Variants in MYO16 observed in about 807,000 individuals in gnomAD.
MYO16 encodes myosin XVI.
MYO16 carries 94 observed loss-of-function variants against 205.3 expected under a neutral mutation model. The ratio of observed to expected loss-of-function variants is 0.46; its 90% confidence interval spans 0.39 to 0.54. The LOEUF (loss-of-function observed/expected upper bound fraction) is 0.54. Ranked by LOEUF, MYO16 falls within the 20% of genes least tolerant of loss-of-function variation. The pLI is 0.00. For synonymous variants in MYO16, 988 were observed against 954.0 expected (o/e 1.04, Z -0.66); for missense variants, 2,315 against 2,387.5 (o/e 0.97, Z 0.63).
intron 23 of MYO16, among the ~76,000 whole-genome samples, chr13:109,042,842 A>T (rs1455901115): frequency 6.6e-6 from 1 of 152,224 alleles, no homozygotes; most frequent in Non-Finnish European, 1.5e-5. Context: ...CTTCATACAA[A>T]TGTCCTTTTA....
At chr13:108,878,947 T>A (rs1879462133) in intron 12 of MYO16, among the ~76,000 whole-genome samples, 1 of 152,256 alleles carries the variant, frequency 6.6e-6, no homozygotes, top group Admixed American at 6.5e-5. Context: ...TCAAGTGATC[T>A]GTGATCCATT....
At chr13:108,539,100 A>G in the MYO16 span, among the ~76,000 whole-genome samples, 1 of 152,052 alleles carries the variant, frequency 6.6e-6, no homozygotes, top group Non-Finnish European at 1.5e-5. Flanking sequence ...AGACTGCCTG[A>G]GTTGTTATTT....
intron 20 of MYO16, among the ~76,000 whole-genome samples, chr13:108,972,652 G>C (rs887755080): frequency 6.6e-6 from 1 of 151,124 alleles, no homozygotes; most frequent in African/African-American, 2.4e-5. Context: ...GTTTTGCTCG[G>C]GTGTGACTTG....
intron 14 of MYO16, among the ~76,000 whole-genome samples, chr13:108,896,067 G>T (rs1594377376): frequency 6.6e-6 from 1 of 152,040 alleles, no homozygotes; most frequent in Admixed American, 6.5e-5. Context: ...TCACTCCCAG[G>T]CACATGCATT....
At chr13:109,164,880 G>C (rs1878566870) in intron 32 of MYO16, 21 bp from the exon 33 acceptor site, 1 of 1,479,572 alleles carries the variant, frequency 6.8e-7, no homozygotes, top group African/African-American at 1.4e-5. Context: ...AAATAATTAT[G>C]TTTTCTAAAA....
At position 108,652,177 on chromosome 13, in the gene MYO16, G is replaced by A. The variant is rs187285941; in HGVS notation, c.29-13709G>A. On this transcript the variant is annotated intron_variant, in intron 1 of 34. Coordinates refer to ENST00000457511, the MANE Select transcript of MYO16 (RefSeq NM_001198950.3). ...TGTGCGCGCGCGCGCATGTGTGCGCGTGTGTGTGTGTGAATGTGTCTGTGT... is the reference window on the plus strand; with the variant it reads ...TGTGCGCGCGCGCGCATGTGTGCGCATGTGTGTGTGTGAATGTGTCTGTGT... 3.7e-3 allele frequency among the ~76,000 whole-genome samples: 558 copies of A among 150,940 alleles called. 5 individuals are homozygous for A. The highest frequency in any genetic ancestry group is 0.018 in the Admixed American group (269 of 15,188).
intron 6 of MYO16, among the ~76,000 whole-genome samples, chr13:108,800,882 G>A (rs1215813820): frequency 6.6e-6 from 1 of 151,858 alleles, no homozygotes; most frequent in African/African-American, 2.4e-5. Context: ...AAATACAAGG[G>A]TAAGATAATT....
chr13:108,750,362 G>A (rs1776535290), intron 4 of MYO16, among the ~76,000 whole-genome samples: 1 of 152,094 alleles, frequency 6.6e-6, no homozygotes, highest in Non-Finnish European at 1.5e-5. Flanking sequence ...TTGCTGAAGA[G>A]GATGGAAAAA....
chr13:108,792,189 G>A (rs1886635933), intron 5 of MYO16, among the ~76,000 whole-genome samples: 1 of 152,190 alleles, frequency 6.6e-6, no homozygotes, highest in Admixed American at 6.5e-5. Flanking sequence ...ATAGACCTGA[G>A]CCTTCTGTGC....
At chr13:108,817,944 G>A (rs528573124) in intron 7 of MYO16, among the ~76,000 whole-genome samples, 1 of 152,180 alleles carries the variant, frequency 6.6e-6, no homozygotes, top group Non-Finnish European at 1.5e-5. Flanking sequence ...CTTTTTCTCT[G>A]TCCCTATTTG....
chr13:108,943,347 C>T (rs868469737), intron 16 of MYO16, among the ~76,000 whole-genome samples: 18 of 152,118 alleles, frequency 1.2e-4, no homozygotes, highest in African/African-American at 4.1e-4. Context: ...TTCATTAGAC[C>T]CTACGACGAG....
intron 2 of MYO16, among the ~76,000 whole-genome samples, chr13:108,687,688 C>T (rs1055048552): frequency 3.9e-5 from 6 of 152,164 alleles, no homozygotes; most frequent in South Asian, 2.1e-4. Context: ...TGAACAAGGG[C>T]GAATGTAAAT....
chr13:109,103,281 T>C (rs1889027023), intron 28 of MYO16, among the ~76,000 whole-genome samples: 1 of 152,214 alleles, frequency 6.6e-6, no homozygotes, highest in Non-Finnish European at 1.5e-5. Context: ...ATTCTGTTTT[T>C]AATTAATACA....
rs1404123991 is a variant in MYO16 at position 109,002,436 on chromosome 13, T to C, written c.2443-6461T>C. Among the ~76,000 whole-genome samples the C allele has an allele frequency of 1.1e-4, 16 of 152,294 alleles. No homozygotes were observed. In the East Asian group the frequency reaches 3.1e-3, roughly 29 times the overall value. ...GCAATAAGTTTCCGTTCCTAAAGAG[T>C]GTGTTCCAGGGGTGCATAGTTTTTA... is the stretch of plus-strand genomic sequence containing the variant. On this transcript the variant is annotated intron_variant, in intron 21 of 34. Transcript: ENST00000457511.
At chr13:108,674,348 A>T (rs1038759438) in intron 2 of MYO16, among the ~76,000 whole-genome samples, 25 of 151,770 alleles carry the variant, frequency 1.6e-4, no homozygotes, top group Admixed American at 7.9e-4. Context: ...AAGCTTATTT[A>T]AAAAAAAATT....
intron 4 of MYO16, among the ~76,000 whole-genome samples, chr13:108,739,888 A>C (rs1247407135): frequency 6.6e-6 from 1 of 152,010 alleles, no homozygotes; most frequent in African/African-American, 2.4e-5. Flanking sequence ...CATTCATTTG[A>C]TCTTCAGTCA....
chr13:108,822,788 G>A (rs1442962768), intron 8 of MYO16, among the ~76,000 whole-genome samples: 2 of 151,956 alleles, frequency 1.3e-5, no homozygotes, highest in Non-Finnish European at 2.9e-5. Flanking sequence ...GTTCATAGTC[G>A]CCAAGATGCA....
At chr13:108,756,842 T>C (rs909147001) in intron 4 of MYO16, among the ~76,000 whole-genome samples, 2 of 152,180 alleles carry the variant, frequency 1.3e-5, no homozygotes, top group African/African-American at 4.8e-5. Context: ...CCCAGTCAAG[T>C]TGACACGTAA....
At chr13:108,744,924 T>G (rs1205964245) in intron 4 of MYO16, among the ~76,000 whole-genome samples, 1 of 152,206 alleles carries the variant, frequency 6.6e-6, no homozygotes, top group African/African-American at 2.4e-5. Context: ...AGTGGAAAAT[T>G]ATTCTATCTT....
Sources: gnomAD v4.1 joint callset for allele counts (sites outside exome capture counted in the v4.1 genomes callset) on GRCh38, gnomAD v4.1.1 for gene constraint, MANE v1.5 for transcripts, NCBI Gene and HGNC (gene_info 2026-07-23, HGNC 2026-07-21) for gene names.